NGLY1: variants seen among roughly 807,000 people sequenced by gnomAD.
NGLY1 encodes the protein peptide-N(4)-(N-acetyl-beta-glucosaminyl)asparagine amidase.
Under a neutral mutation model 84.6 loss-of-function variants are expected in NGLY1, and 68 were observed. The observed-to-expected ratio is 0.80, with a 90% CI of 0.66 to 0.98. The LOEUF is 0.98. Ranked by LOEUF, NGLY1 falls within the 50% of genes least tolerant of loss-of-function variation. The pLI, the probability that NGLY1 is intolerant of heterozygous loss-of-function variation, is 0.00. For synonymous variants in NGLY1, 280 were observed against 275.2 expected (o/e 1.02, Z -0.17); for missense variants, 779 against 770.2 (o/e 1.01, Z -0.14).
chr3:25,768,704 C>G (rs924195479), intron 2 of NGLY1, among the ~76,000 whole-genome samples: 7 of 151,684 alleles, frequency 4.6e-5, no homozygotes, highest in African/African-American at 1.7e-4. Context: ...CGCCACCACG[C>G]CCGGCTAATT....
rs1163427385 is a variant in NGLY1, at chr3:25,783,422, C to T, written c.-32G>A. 5 of 1,517,542 alleles carry T rather than the reference C, an allele frequency of 3.3e-6. No homozygotes were observed. Among genetic ancestry groups the T allele is most frequent in the Non-Finnish European group, 1.8e-6 (2 of 1,133,968 alleles). The allele number at this position is 1,517,542 out of a possible 1,614,324, so 94.0% of individuals were successfully genotyped here. On this transcript the variant is annotated 5_prime_UTR_variant, in exon 1 of 12. Coordinates refer to ENST00000280700, the MANE Select transcript of NGLY1 (RefSeq NM_018297.4). This position sits in a 1 kb window ranked among gnomAD's most constrained non-coding sequence, Gnocchi z 4.5. ...GCGCCAGCGGGCGCCGCCGCCGCCC[C>T]TCGCTCTCCGCGTCCCACACTGAGC...
rs1708682841 is a variant in NGLY1 at position 25,789,808 on chromosome 3, T to C, written c.5+53A>G. On this transcript the variant is annotated intron_variant, in intron 1 of 11. Coordinates refer to the NGLY1 transcript ENST00000417874. ...CCCTTCTCCGACAAAAGGGAATATT[T>C]GGGCATTATCACTGCCAAAGAAAAA... is the stretch of plus-strand genomic sequence containing the variant. 2.6e-6 allele frequency: 4 copies of C among 1,540,130 alleles called. No individual in the cohort carries two copies. In the East Asian group the frequency reaches 9.8e-5, roughly 38 times the overall value.
At chr3:25,785,291 A>G (rs926785886), upstream of NGLY1, among the ~76,000 whole-genome samples, 18 of 152,206 alleles carry the variant, frequency 1.2e-4, no homozygotes, top group South Asian at 1.7e-3. Flanking sequence ...CAAAAAATAA[A>G]AAAAAAATTT....
intron 10 of NGLY1, among the ~76,000 whole-genome samples, chr3:25,722,804 G>A (rs746159694): frequency 6.6e-5 from 10 of 152,102 alleles, no homozygotes; most frequent in Non-Finnish European, 1.2e-4. Context: ...AGTGTTCCCC[G>A]GGAGTCATTA....
At chr3:25,777,543 T>A (rs1276120744) in intron 2 of NGLY1, among the ~76,000 whole-genome samples, 1 of 152,178 alleles carries the variant, frequency 6.6e-6, no homozygotes, top group African/African-American at 2.4e-5. Context: ...TTACTTCTGC[T>A]GGAAATCCTT....
chr3:25,752,204 C>G (rs1036485382), intron 3 of NGLY1, among the ~76,000 whole-genome samples: 1 of 152,028 alleles, frequency 6.6e-6, no homozygotes, highest in African/African-American at 2.4e-5. Context: ...AGATCTTGGA[C>G]GTAAAAATTT....
At chr3:25,767,430 A>C (rs1303739787) in intron 2 of NGLY1, among the ~76,000 whole-genome samples, 1 of 152,210 alleles carries the variant, frequency 6.6e-6, no homozygotes, top group East Asian at 1.9e-4. Context: ...AATATCGTCC[A>C]GTCAATAAAA....
chr3:25,784,778 T>A (rs1370841926), upstream of NGLY1, among the ~76,000 whole-genome samples: 1 of 152,242 alleles, frequency 6.6e-6, no homozygotes, highest in Non-Finnish European at 1.5e-5. Context: ...TGTAAATCTT[T>A]GGACCACCTT....
intron 1 of NGLY1, among the ~76,000 whole-genome samples, chr3:25,778,925 CTTTTTTTTTTTTT>C (rs565447910): frequency 7.3e-5 from 4 of 54,662 alleles, no homozygotes; most frequent in African/African-American, 2.4e-4. Context: ...AAGATACATT[CTTTTTTTTTTTTT>C]TTTTTTTTTT....
intron 3 of NGLY1, among the ~76,000 whole-genome samples, chr3:25,759,867 T>G (rs180716515): frequency 1.5e-3 from 224 of 151,894 alleles, no homozygotes; most frequent in Admixed American, 2.8e-3. Flanking sequence ...CAAATCGTGG[T>G]AATTAATCAA....
intron 1 of NGLY1, among the ~76,000 whole-genome samples, chr3:25,780,993 G>C (rs1475181739): frequency 1.4e-5 from 2 of 148,024 alleles, no homozygotes; most frequent in African/African-American, 5.0e-5. Flanking sequence ...TTTCTTTTTT[G>C]AGAAAGGTCT....
chr3:25,728,415 T>G (rs1261340486), intron 10 of NGLY1, among the ~76,000 whole-genome samples: 2 of 152,158 alleles, frequency 1.3e-5, no homozygotes, highest in African/African-American at 4.8e-5. Context: ...TATAAGTTAA[T>G]TAATTCCTAT....
chr3:25,783,546 GCC>G (rs1193551970), upstream of NGLY1: 11 of 282,632 alleles, frequency 3.9e-5, no homozygotes, highest in Non-Finnish European at 5.5e-5. The surrounding 1 kb of genome is among the most constrained non-coding windows in gnomAD (Gnocchi z 4.5). Context: ...GGGGTCCTCG[GCC>G]GGCAGGGGCG....
Position 25,778,618 on chromosome 3 carries a change from C to T in NGLY1, c.202G>A (p.Val68Ile). 6.2e-7 allele frequency: 1 copy of T among 1,612,176 alleles called. No individual in the cohort carries two copies. The highest frequency in any genetic ancestry group is 8.5e-7 in the Non-Finnish European group (1 of 1,178,966). The change falls in exon 2 of 12, where the codon GTC becomes ATC. Residue 68 changes from valine to isoleucine, a missense_variant. Val to Ile is a conservative substitution (Grantham distance 29). Transcript: ENST00000280700. ...AATAAACATTCAACAGCTCCTCTGA[C>T]AGGCAAGAGTCTAGTAGAAAAGGCT... ...NTAFSTRLLP[V>I]RGAVECLFEM...
chr3:25,751,723 TAA>T (rs1259934071), intron 3 of NGLY1, among the ~76,000 whole-genome samples: 2 of 152,148 alleles, frequency 1.3e-5, no homozygotes, highest in African/African-American at 4.8e-5. Context: ...TGATGAAAAG[TAA>T]AAAAAGTTTC....
intron 2 of NGLY1, among the ~76,000 whole-genome samples, chr3:25,767,058 C>T (rs550603385): frequency 6.6e-6 from 1 of 152,252 alleles, no homozygotes; most frequent in Admixed American, 6.5e-5. Flanking sequence ...CTTTGGGAGA[C>T]CGAGGCGGGC....
chr3:25,758,848 G>A (rs1202064237), intron 3 of NGLY1, among the ~76,000 whole-genome samples: 2 of 152,184 alleles, frequency 1.3e-5, no homozygotes, highest in Non-Finnish European at 2.9e-5. Context: ...GACAGGGCAT[G>A]GAGGACCAGG....
At chr3:25,735,940 G>A (rs2125475140) in intron 7 of NGLY1, 64 bp downstream of exon 7, 1 of 1,339,244 alleles carries the variant, frequency 7.5e-7, no homozygotes, top group Non-Finnish European at 1.0e-6. Flanking sequence ...CATTCATGAA[G>A]CTGTCATAAA....
At chr3:25,781,641 G>A (rs1190265787) in intron 1 of NGLY1, among the ~76,000 whole-genome samples, 1 of 152,184 alleles carries the variant, frequency 6.6e-6, no homozygotes, top group Non-Finnish European at 1.5e-5. Context: ...AGGTTGCAGT[G>A]AGTCAAGATC....
Sources: gnomAD v4.1 joint callset for allele counts (sites outside exome capture counted in the v4.1 genomes callset) on GRCh38, gnomAD v4.1.1 for gene constraint, Gnocchi (gnomAD v3.1) non-coding constraint, MANE v1.5 for transcripts, NCBI Gene and HGNC (gene_info 2026-07-23, HGNC 2026-07-21) for gene names.